Variants in TNFSF4 observed in about 807,000 individuals in gnomAD.
TNFSF4 encodes tumor necrosis factor ligand superfamily member 4.
In TNFSF4, 4 loss-of-function variants were observed where a neutral mutation model predicts 7.3. The ratio of observed to expected loss-of-function variants is 0.55; its 90% confidence interval spans 0.27 to 1.25. The LOEUF (loss-of-function observed/expected upper bound fraction) is 1.25. Ranked by LOEUF, TNFSF4 falls within the 50% of genes most tolerant of loss-of-function variation. The pLI is 0.12. For missense variants in TNFSF4, 181 were observed against 208.8 expected, an observed-to-expected ratio of 0.87 and a Z score of 0.82; for synonymous variants, 76 against 83.7, an observed-to-expected ratio of 0.91 and a Z score of 0.50.
chr1:173,435,786 T>C, the TNFSF4 span, among the ~76,000 whole-genome samples: 1 of 152,348 alleles, frequency 6.6e-6, no homozygotes, highest in African/African-American at 2.4e-5. Flanking sequence ...AAAGAAAAAC[T>C]GTAGTCAATT....
intron 1 of TNFSF4, among the ~76,000 whole-genome samples, chr1:173,193,768 C>CA (rs34461114): frequency 0.38 from 38,873 of 101,640 alleles, 6,555 homozygotes; most frequent in African/African-American, 0.51. Context: ...ATAAGTGAAG[C>CA]AAAAAAAAAA....
chr1:173,220,178 G>A, the TNFSF4 span, among the ~76,000 whole-genome samples: 2 of 151,790 alleles, frequency 1.3e-5, no homozygotes, highest in Non-Finnish European at 2.9e-5. Flanking sequence ...TGAAAATAAA[G>A]TTTTTTTTAA....
chr1:173,399,966 T>C, the TNFSF4 span, among the ~76,000 whole-genome samples: 1 of 152,238 alleles, frequency 6.6e-6, no homozygotes, highest in Non-Finnish European at 1.5e-5. Flanking sequence ...CTGATTACAC[T>C]GGATGGCTTC....
chr1:173,309,175 C>G, the TNFSF4 span, among the ~76,000 whole-genome samples: 1 of 151,738 alleles, frequency 6.6e-6, no homozygotes, highest in African/African-American at 2.4e-5. Context: ...AAAGAATGAC[C>G]ATTTATTTTC....
chr1:173,448,366 A>G, the TNFSF4 span, among the ~76,000 whole-genome samples: 1 of 152,218 alleles, frequency 6.6e-6, no homozygotes, highest in Non-Finnish European at 1.5e-5. Context: ...CTGGACCATA[A>G]AACAAACTTT....
upstream of TNFSF4, among the ~76,000 whole-genome samples, chr1:173,210,206 CACAA>C (rs937311004): frequency 6.6e-6 from 1 of 152,096 alleles, no homozygotes; most frequent in Non-Finnish European, 1.5e-5. Flanking sequence ...GAGGAAAAGA[CACAA>C]ACAAAACACA....
At chr1:173,297,674 G>A in the TNFSF4 span, among the ~76,000 whole-genome samples, 3 of 151,874 alleles carry the variant, frequency 2.0e-5, no homozygotes, top group Admixed American at 1.3e-4. Flanking sequence ...AATATGCAAG[G>A]CAGCCCACAC....
At chr1:173,404,564 G>A in the TNFSF4 span, among the ~76,000 whole-genome samples, 2 of 151,920 alleles carry the variant, frequency 1.3e-5, no homozygotes, top group African/African-American at 4.8e-5. Flanking sequence ...CACCCACATG[G>A]CTCATGCCCT....
the TNFSF4 span, among the ~76,000 whole-genome samples, chr1:173,421,675 GA>G: frequency 2.0e-3 from 291 of 144,126 alleles, 1 homozygote; most frequent in East Asian, 0.034. Flanking sequence ...ATCGTTTCTG[GA>G]AAAAAAAAAA....
At chr1:173,239,425 C>T in the TNFSF4 span, among the ~76,000 whole-genome samples, 1 of 152,182 alleles carries the variant, frequency 6.6e-6, no homozygotes, top group Non-Finnish European at 1.5e-5. Flanking sequence ...TAATTCTTCT[C>T]TCAACTGAAA....
chr1:173,338,020 G>C, the TNFSF4 span, among the ~76,000 whole-genome samples: 1 of 152,112 alleles, frequency 6.6e-6, no homozygotes, highest in African/African-American at 2.4e-5. Flanking sequence ...GAAAAAACAG[G>C]CCATAGTGGC....
the TNFSF4 span, among the ~76,000 whole-genome samples, chr1:173,322,599 C>G: frequency 6.6e-6 from 1 of 152,130 alleles, no homozygotes; most frequent in Non-Finnish European, 1.5e-5. Context: ...ATTGCCTCAC[C>G]TGGGAAGCAC....
the TNFSF4 span, among the ~76,000 whole-genome samples, chr1:173,374,785 A>G: frequency 6.6e-6 from 1 of 152,178 alleles, no homozygotes; most frequent in Non-Finnish European, 1.5e-5. Flanking sequence ...GGATAAAAAT[A>G]AAGCAGACCC....
chr1:173,329,650 A>T, the TNFSF4 span, among the ~76,000 whole-genome samples: 19 of 152,328 alleles, frequency 1.2e-4, no homozygotes, highest in Non-Finnish European at 2.8e-4. Flanking sequence ...CAACTGTAAC[A>T]AACTTCATGT....
downstream of TNFSF4, among the ~76,000 whole-genome samples, chr1:173,182,195 T>C (rs1649066868): frequency 6.6e-6 from 1 of 152,238 alleles, no homozygotes; most frequent in Non-Finnish European, 1.5e-5. Context: ...TTCTTTTTCT[T>C]ATTCTCTTCT....
chr1:173,387,294 T>C, the TNFSF4 span, among the ~76,000 whole-genome samples: 1 of 152,252 alleles, frequency 6.6e-6, no homozygotes, highest in Admixed American at 6.5e-5. Flanking sequence ...GATTAGGCAA[T>C]GAGGGCTCCA....
chr1:173,407,559 CAAAAAAAAAA>C, the TNFSF4 span, among the ~76,000 whole-genome samples: 1 of 72,032 alleles, frequency 1.4e-5, no homozygotes, highest in Admixed American at 1.7e-4. Flanking sequence ...GACTCTGCCT[CAAAAAAAAAA>C]AAAAAAAAAA....
the TNFSF4 span, among the ~76,000 whole-genome samples, chr1:173,271,806 T>C: frequency 6.6e-6 from 1 of 152,178 alleles, no homozygotes; most frequent in Non-Finnish European, 1.5e-5. Context: ...CTCAAGGATC[T>C]AGAACTAGAA....
downstream of TNFSF4, chr1:173,183,609 T>C (rs892221552): frequency 2.6e-5 from 4 of 152,134 alleles, no homozygotes; most frequent in Non-Finnish European, 5.9e-5. Context: ...GTGTCTTTGA[T>C]GGCTAAAACT....
Sources: allele counts gnomAD v4.1 joint callset (sites outside exome capture counted in the v4.1 genomes callset), GRCh38; gene constraint gnomAD v4.1.1; transcripts MANE v1.5; gene names NCBI Gene and HGNC (gene_info 2026-07-23, HGNC 2026-07-21).